ZNF184: variants seen among roughly 807,000 people sequenced by gnomAD.
ZNF184 encodes the protein zinc finger protein 184.
Under a neutral mutation model 54.4 loss-of-function variants are expected in ZNF184, and 16 were observed. That is an observed-to-expected ratio of 0.29 (90% CI 0.20 to 0.45). ZNF184 has a LOEUF of 0.45. Among genes scored for constraint, ZNF184 ranks in the 20% least tolerant of loss-of-function variants. ZNF184 has a pLI of 1.00. For missense variants in ZNF184, 681 were observed against 888.2 expected (o/e 0.77, Z 2.97); for synonymous variants, 254 against 295.3 (o/e 0.86, Z 1.43).
Position 27,451,592 on chromosome 6 carries a change from T to C in ZNF184, c.1967A>G (p.His656Arg). ...KCEKTFSQSS[H>R]LTQHQRIHTG... ...GTGAATTCGTTGATGCTGAGTTAGA[T>C]GGGAGCTCTGGCTAAAGGTCTTTTC... Residue 656 changes from histidine (H) to arginine (R), a missense_variant, in exon 6 of 6, where the codon CAT becomes CGT. His to Arg is a conservative substitution (Grantham distance 29). Coordinates refer to ENST00000683788, the MANE Select transcript of ZNF184 (RefSeq NM_001318891.2). The C allele has an allele frequency of 6.2e-7, 1 of 1,614,154 alleles. No individual in the cohort carries two copies. Among genetic ancestry groups the C allele is most frequent in the Non-Finnish European group, 8.5e-7 (1 of 1,180,012 alleles).
the ZNF184 span, among the ~76,000 whole-genome samples, chr6:27,417,384 G>T: frequency 6.7e-6 from 1 of 150,330 alleles, no homozygotes; most frequent in African/African-American, 2.4e-5. Flanking sequence ...AGACAATTCT[G>T]GTTTTTTTTT....
At chr6:27,407,318 C>T in the ZNF184 span, among the ~76,000 whole-genome samples, 50 of 152,214 alleles carry the variant, frequency 3.3e-4, no homozygotes, top group African/African-American at 1.1e-3. Context: ...CACCCTGTCT[C>T]GGCTGCTTGA....
At chr6:27,462,854 G>A (rs1478806083) in intron 3 of ZNF184, among the ~76,000 whole-genome samples, 1 of 145,802 alleles carries the variant, frequency 6.9e-6, no homozygotes, top group East Asian at 2.1e-4. Flanking sequence ...GACAGAGTGA[G>A]ACTCTGTCTC....
chr6:27,420,098 G>A, the ZNF184 span, among the ~76,000 whole-genome samples: 2 of 152,112 alleles, frequency 1.3e-5, no homozygotes, highest in Admixed American at 6.6e-5. Context: ...CACTGCAATT[G>A]CAACCCTGGT....
the ZNF184 span, among the ~76,000 whole-genome samples, chr6:27,415,789 A>T: frequency 1.3e-5 from 2 of 152,186 alleles, no homozygotes; most frequent in African/African-American, 4.8e-5. Flanking sequence ...GTGTGACCTC[A>T]GGCAAGTTAT....
At chr6:27,446,844 C>A (rs1249650219), downstream of ZNF184, among the ~76,000 whole-genome samples, 1 of 152,130 alleles carries the variant, frequency 6.6e-6, no homozygotes, top group Non-Finnish European at 1.5e-5. Flanking sequence ...ATTATTCTCC[C>A]ACTTTAGGAC....
Position 27,456,939 on chromosome 6 carries a change from A to C in ZNF184, c.203-18T>G, listed in dbSNP as rs1561837795. 1.9e-6 allele frequency: 3 copies of C among 1,603,564 alleles called. No individual in the cohort carries two copies. The African/African-American group carries it at 4.0e-5, about 22-fold the overall frequency. ...TTGGAGTCCTGTTCATTAGGGAAAA[A>C]AAGAAAGAAACCTGCAGTAAGGGGA... On this transcript the variant is annotated intron_variant, in intron 4 of 5. Transcript: ENST00000683788.
chr6:27,467,793 A>G (rs1247301920), intron 3 of ZNF184, 60 bp downstream of exon 3: 2 of 1,511,178 alleles, frequency 1.3e-6, no homozygotes, highest in Non-Finnish European at 1.8e-6. Flanking sequence ...ACAAAACAAA[A>G]CAAAAAACCA....
the ZNF184 span, chr6:27,405,088 T>G: frequency 6.6e-6 from 1 of 152,116 alleles, no homozygotes; most frequent in South Asian, 2.1e-4. Context: ...TTACCTTACT[T>G]TTTATTGTTA....
rs758552695 is a variant in ZNF184, at chr6:27,457,313, A to T, written c.172T>A (p.Leu58Met). Residue 58 changes from leucine to methionine, a missense_variant, in exon 4 of 6, where the codon TTG (leucine) becomes ATG (methionine). Physicochemically the swap from Leu to Met is conservative, Grantham distance 15. Transcript: ENST00000683788. ...GAGACCAGGTGTGTATAATTTTCCA[A>T]TGTCACATCCCTGAACAAATCTCTC... ...GQRDLFRDVT[L>M]ENYTHLVSIG... is the part of the protein sequence containing the mutation. 3.7e-6 allele frequency: 6 copies of T among 1,613,942 alleles called. No individual in the cohort carries two copies. The African/African-American group carries it at 8.0e-5, about 22-fold the overall frequency.
chr6:27,459,342 T>G (rs1304559720), intron 3 of ZNF184, among the ~76,000 whole-genome samples: 32 of 151,430 alleles, frequency 2.1e-4, no homozygotes, highest in Admixed American at 2.0e-3. Flanking sequence ...TCACTCTGTA[T>G]CCCATGGATA....
At chr6:27,464,843 C>A (rs756508545) in intron 3 of ZNF184, among the ~76,000 whole-genome samples, 1 of 148,280 alleles carries the variant, frequency 6.7e-6, no homozygotes, top group Non-Finnish European at 1.5e-5. Context: ...GGTGAAACCC[C>A]GTCTCTACTA....
the ZNF184 span, among the ~76,000 whole-genome samples, chr6:27,430,353 C>T: frequency 6.6e-6 from 1 of 150,428 alleles, no homozygotes; most frequent in African/African-American, 2.5e-5. Flanking sequence ...CACCCACCCC[C>T]GGGTCTGCTT....
chr6:27,420,973 T>C, the ZNF184 span, among the ~76,000 whole-genome samples: 1 of 152,096 alleles, frequency 6.6e-6, no homozygotes, highest in Non-Finnish European at 1.5e-5. Context: ...CATATAAATA[T>C]GTGAAAGAAG....
chr6:27,463,818 A>G (rs1256141469), intron 3 of ZNF184, among the ~76,000 whole-genome samples: 1 of 152,176 alleles, frequency 6.6e-6, no homozygotes, highest in Admixed American at 6.5e-5. Flanking sequence ...TTAATAAACA[A>G]AGGCAAAATA....
At chr6:27,404,579 T>C in the ZNF184 span, 2 of 152,210 alleles carry the variant, frequency 1.3e-5, no homozygotes, top group Non-Finnish European at 1.5e-5. Context: ...TTTTGGTCAA[T>C]AATGGACTGC....
downstream of ZNF184, among the ~76,000 whole-genome samples, chr6:27,448,174 T>C (rs182675407): frequency 2.9e-4 from 44 of 152,338 alleles, no homozygotes; most frequent in African/African-American, 9.6e-4. Context: ...GTATTCTCTA[T>C]CTCAGTACAT....
chr6:27,432,233 T>G, the ZNF184 span, among the ~76,000 whole-genome samples: 2 of 152,008 alleles, frequency 1.3e-5, no homozygotes, highest in African/African-American at 2.4e-5. The surrounding 1 kb of genome is among the most constrained non-coding windows in gnomAD (Gnocchi z 4.0). Flanking sequence ...AAACAGACAA[T>G]TACAGGTAGT....
chr6:27,457,802 GA>G (rs1762896938), intron 3 of ZNF184, among the ~76,000 whole-genome samples: 1 of 152,128 alleles, frequency 6.6e-6, no homozygotes, highest in African/African-American at 2.4e-5. Context: ...TTGAAAAAGA[GA>G]GGTGGAAAGA....
Sources: allele counts gnomAD v4.1 joint callset (sites outside exome capture counted in the v4.1 genomes callset), GRCh38; gene constraint gnomAD v4.1.1; non-coding constraint Gnocchi (gnomAD v3.1); transcripts MANE v1.5; gene names NCBI Gene and HGNC (gene_info 2026-07-23, HGNC 2026-07-21).